ME3: variants seen among roughly 807,000 people sequenced by gnomAD.
The protein encoded by ME3 is malic enzyme 3, also known as NADP-dependent malic enzyme, mitochondrial.
In ME3, 48 loss-of-function variants were observed where a neutral mutation model predicts 68.9. The observed-to-expected ratio is 0.70, with a 90% CI of 0.55 to 0.89. The LOEUF (loss-of-function observed/expected upper bound fraction) is 0.89. Ranked by LOEUF, ME3 falls within the 40% of genes least tolerant of loss-of-function variation. The pLI, the probability that ME3 is intolerant of heterozygous loss-of-function variation, is 0.00. For synonymous variants in ME3, 320 were observed against 318.8 expected (o/e 1.00, Z -0.04); for missense variants, 675 against 797.4 (o/e 0.85, Z 1.85).
intron 7 of ME3, 143 bp from the exon 8 acceptor site, chr11:86,465,343 G>A (rs1594065164): frequency 4.5e-6 from 3 of 665,734 alleles, no homozygotes; most frequent in East Asian, 5.5e-5. Flanking sequence ...TTTGCCACTG[G>A]TTGGCTCCTG....
At chr11:86,499,329 G>C (rs1031700288) in intron 5 of ME3, among the ~76,000 whole-genome samples, 1 of 152,090 alleles carries the variant, frequency 6.6e-6, no homozygotes, top group East Asian at 1.9e-4. Context: ...TCAGGGTAAC[G>C]GTGAAGTTGT....
At chr11:86,610,557 A>T (rs1011572913) in intron 2 of ME3, among the ~76,000 whole-genome samples, 3 of 152,166 alleles carry the variant, frequency 2.0e-5, no homozygotes, top group Non-Finnish European at 4.4e-5. Context: ...TTTCCATTCC[A>T]AGGCCCCTGG....
intron 2 of ME3, among the ~76,000 whole-genome samples, chr11:86,589,092 G>T (rs1958905793): frequency 6.6e-6 from 1 of 152,112 alleles, no homozygotes; most frequent in Non-Finnish European, 1.5e-5. Context: ...AAATCTCATT[G>T]GCCTGGGAAT....
chr11:86,542,124 C>T (rs1456854107), intron 4 of ME3, among the ~76,000 whole-genome samples: 1 of 152,144 alleles, frequency 6.6e-6, no homozygotes, highest in Non-Finnish European at 1.5e-5. Context: ...ACAAAAAGGA[C>T]GTCCACACAG....
At chr11:86,488,037 G>A (rs1328504058) in intron 6 of ME3, among the ~76,000 whole-genome samples, 1 of 152,172 alleles carries the variant, frequency 6.6e-6, no homozygotes, top group Non-Finnish European at 1.5e-5. Context: ...AAAATTAGCT[G>A]GGCATGGTGG....
At chr11:86,588,615 T>C (rs1362345284) in intron 2 of ME3, among the ~76,000 whole-genome samples, 1 of 152,172 alleles carries the variant, frequency 6.6e-6, no homozygotes, top group African/African-American at 2.4e-5. Flanking sequence ...TTTCAGGACT[T>C]AGGCTGTGAA....
intron 2 of ME3, among the ~76,000 whole-genome samples, chr11:86,603,392 C>T (rs962989146): frequency 6.6e-6 from 1 of 152,196 alleles, no homozygotes; most frequent in African/African-American, 2.4e-5. Flanking sequence ...ATCAAAACCA[C>T]AATGAGATAC....
At chr11:86,530,218 A>G (rs1227091776) in intron 4 of ME3, among the ~76,000 whole-genome samples, 1 of 152,190 alleles carries the variant, frequency 6.6e-6, no homozygotes, top group African/African-American at 2.4e-5. Flanking sequence ...ACAGACAGAG[A>G]GCCAAATCAT....
chr11:86,614,407 A>C (rs902434675), intron 2 of ME3, among the ~76,000 whole-genome samples: 2 of 152,170 alleles, frequency 1.3e-5, no homozygotes, highest in Admixed American at 1.3e-4. Flanking sequence ...TTTGGAGTTA[A>C]CTTAAACCCA....
chr11:86,469,850 GTT>G (rs113560700), intron 7 of ME3, among the ~76,000 whole-genome samples: 1 of 143,356 alleles, frequency 7.0e-6, no homozygotes. Context: ...GTTTGATTTT[GTT>G]TTTTTTTTTT....
intron 6 of ME3, among the ~76,000 whole-genome samples, chr11:86,495,689 T>G (rs945994665): frequency 3.3e-5 from 5 of 152,204 alleles, no homozygotes; most frequent in South Asian, 2.1e-4. Context: ...AGAGCAAAAC[T>G]TGAAGACTGG....
chr11:86,442,959 T>C (rs1260608348), intron 13 of ME3, 40 bp from the exon 14 acceptor site: 2 of 1,541,678 alleles, frequency 1.3e-6, no homozygotes, highest in Non-Finnish European at 1.8e-6. Flanking sequence ...AAGCTGAGTC[T>C]CTGCCTTCCC....
At chr11:86,552,917 GT>G (rs780958438) in intron 4 of ME3, among the ~76,000 whole-genome samples, 14 of 152,174 alleles carry the variant, frequency 9.2e-5, no homozygotes, top group Non-Finnish European at 1.6e-4. Context: ...CAACAGGGAT[GT>G]GGCCTGGGAG....
chr11:86,625,507 G>C (rs1360341884), intron 2 of ME3, among the ~76,000 whole-genome samples: 1 of 152,138 alleles, frequency 6.6e-6, no homozygotes, highest in African/African-American at 2.4e-5. Flanking sequence ...TGGAGTCAAA[G>C]AGACCTGGGT....
At chr11:86,517,317 C>T (rs1953962944) in intron 4 of ME3, among the ~76,000 whole-genome samples, 1 of 152,132 alleles carries the variant, frequency 6.6e-6, no homozygotes, top group Middle Eastern at 3.2e-3. Flanking sequence ...CCAGATAAGA[C>T]TACTTCATTA....
At chr11:86,617,044 A>ATTTTTT (rs1943006030) in intron 2 of ME3, among the ~76,000 whole-genome samples, 1 of 43,870 alleles carries the variant, frequency 2.3e-5, no homozygotes, top group Non-Finnish European at 5.3e-5. Flanking sequence ...CCAAGATAGT[A>ATTTTTT]GTTTTTTTTT....
intron 6 of ME3, among the ~76,000 whole-genome samples, chr11:86,493,743 G>T (rs946875731): frequency 6.6e-6 from 1 of 152,214 alleles, no homozygotes; most frequent in Admixed American, 6.5e-5. Flanking sequence ...GTATTGGCAG[G>T]TAAAAGTGAT....
At chr11:86,484,411 A>G (rs1483291019) in intron 7 of ME3, among the ~76,000 whole-genome samples, 1 of 152,192 alleles carries the variant, frequency 6.6e-6, no homozygotes, top group Non-Finnish European at 1.5e-5. Flanking sequence ...CCACAGAAAC[A>G]TCTGCTATAG....
At chr11:86,623,182 ATC>A (rs1943453545) in intron 2 of ME3, among the ~76,000 whole-genome samples, 1 of 152,174 alleles carries the variant, frequency 6.6e-6, no homozygotes, top group African/African-American at 2.4e-5. Flanking sequence ...GTATCATCCA[ATC>A]CACTGAGGGC....
Sources: allele counts gnomAD v4.1 joint callset (sites outside exome capture counted in the v4.1 genomes callset), GRCh38; gene constraint gnomAD v4.1.1; transcripts MANE v1.5; gene names NCBI Gene and HGNC (gene_info 2026-07-23, HGNC 2026-07-21).